The following SRGAP2 variants were observed in gnomAD, a reference collection of about 807,000 sequenced individuals.
SRGAP2 encodes the protein SLIT-ROBO Rho GTPase-activating protein 2.
Under a neutral mutation model 57.2 loss-of-function variants are expected in SRGAP2, and 15 were observed. That is an observed-to-expected ratio of 0.26 (90% CI 0.18 to 0.40). The LOEUF (loss-of-function observed/expected upper bound fraction) is 0.40. Ranked by LOEUF, SRGAP2 falls within the 10% of genes least tolerant of loss-of-function variation. The pLI, the probability that SRGAP2 is intolerant of heterozygous loss-of-function variation, is 1.00. For missense variants in SRGAP2, 520 were observed against 669.6 expected, an observed-to-expected ratio of 0.78 and a Z score of 2.47; for synonymous variants, 249 against 248.0, an observed-to-expected ratio of 1.00 and a Z score of -0.04.
chr1:206,378,619 A>G (rs1321730268), intron 4 of SRGAP2, among the ~76,000 whole-genome samples: 14 of 152,222 alleles, frequency 9.2e-5, no homozygotes, highest in African/African-American at 3.1e-4. Flanking sequence ...GTCTAGCTAG[A>G]GGATTGTAAA....
Position 206,453,309 on chromosome 1 carries a change from C to T in SRGAP2, c.2289C>T (p.Asp763=), listed in dbSNP as rs782083195. 1.8e-5 allele frequency: 14 copies of T among 760,098 alleles called. No homozygotes were observed. The highest frequency in any genetic ancestry group is 5.2e-5 in the African/African-American group (3 of 57,530). The allele number at this position is 760,098 out of a possible 1,614,324, so 47.1% of individuals were successfully genotyped here. ...TGCTGCTTTACCAGCGGGCTTCCGA[C>T]GACTGGTGGGAAGGCCGGCACAATG... is the stretch of plus-strand genomic sequence containing the variant. The part of the protein sequence containing the change: ...ASLLLYQRAS[D]DWWEGRHNGI... Residue 763 remains aspartate, a synonymous_variant, in exon 20 of 23, where the codon GAC becomes GAT. Transcript: ENST00000573034.
chr1:206,410,543 C>G (rs1553359142), intron 10 of SRGAP2, among the ~76,000 whole-genome samples: 1 of 152,134 alleles, frequency 6.6e-6, no homozygotes, highest in Non-Finnish European at 1.5e-5. Flanking sequence ...CAGAGATACT[C>G]TATGCATGGA....
At chr1:206,355,042 A>G (rs1376246449) in intron 4 of SRGAP2, among the ~76,000 whole-genome samples, 5 of 152,200 alleles carry the variant, frequency 3.3e-5, no homozygotes, top group Non-Finnish European at 7.3e-5. Flanking sequence ...TTACATTTCA[A>G]TAAACTTTTG....
chr1:206,385,192 T>G (rs1210383269), intron 5 of SRGAP2, among the ~76,000 whole-genome samples: 1 of 112,400 alleles, frequency 8.9e-6, no homozygotes, highest in Non-Finnish European at 1.7e-5. Context: ...GAATTTCTAC[T>G]CTGTGACACT....
intron 4 of SRGAP2, among the ~76,000 whole-genome samples, chr1:206,370,252 C>T (rs1426549316): frequency 2.0e-5 from 3 of 151,444 alleles, no homozygotes; most frequent in South Asian, 2.1e-4. Flanking sequence ...GGCGACAGAG[C>T]GAGACTCCAT....
chr1:206,306,156 G>A (rs1447511633), intron 3 of SRGAP2, among the ~76,000 whole-genome samples: 12 of 152,136 alleles, frequency 7.9e-5, no homozygotes, highest in South Asian at 2.1e-4. Context: ...TCTTGTGTCC[G>A]GAATTGGTGG....
At chr1:206,449,268 G>A (rs568149660) in intron 18 of SRGAP2, among the ~76,000 whole-genome samples, 4 of 148,366 alleles carry the variant, frequency 2.7e-5, no homozygotes, top group Non-Finnish European at 6.0e-5. Context: ...ATCATTTCTC[G>A]ATTCCTTACA....
rs1215365407 is a variant in SRGAP2 at position 206,224,869 on chromosome 1, CTT to C, written c.67+18833_67+18834del. Among the ~76,000 whole-genome samples the C allele has an allele frequency of 9.5e-5, 8 of 83,856 alleles. No individual in the cohort carries two copies. In the East Asian group the frequency reaches 2.5e-3, roughly 26 times the overall value. 55.0% of individuals were successfully genotyped at this position (83,856 alleles called of 152,430 possible). On this transcript the variant is annotated intron_variant, in intron 2 of 22. Transcript: ENST00000573034. ...TGTGTGCTGAGTGAGGGAGTAGACT[CTT>C]GGGCTGGAGCAGAGGAGTTATAGAC...
chr1:206,374,126 G>A (rs1413037832), intron 4 of SRGAP2, among the ~76,000 whole-genome samples: 2 of 147,254 alleles, frequency 1.4e-5, no homozygotes, highest in Non-Finnish European at 3.0e-5. Context: ...CCGGGTTCAC[G>A]CCATTCTCCT....
At chr1:206,259,767 T>TTTATTAAATA (rs1553313174) in intron 2 of SRGAP2, among the ~76,000 whole-genome samples, 2 of 148,916 alleles carry the variant, frequency 1.3e-5, no homozygotes, top group East Asian at 1.9e-4. Flanking sequence ...TATTAATAAA[T>TTTATTAAATA]TTATTAAATA....
chr1:206,362,865 T>C (rs1284023268), intron 4 of SRGAP2, among the ~76,000 whole-genome samples: 2 of 152,176 alleles, frequency 1.3e-5, no homozygotes, highest in Non-Finnish European at 2.9e-5. Flanking sequence ...TTTCTGACTT[T>C]CTGGGCCATG....
intron 2 of SRGAP2, among the ~76,000 whole-genome samples, chr1:206,220,679 A>C (rs1172402133): frequency 1.3e-5 from 2 of 152,194 alleles, no homozygotes; most frequent in African/African-American, 4.8e-5. Flanking sequence ...AGTTTAAAGA[A>C]GAGACTTGAT....
chr1:206,444,059 G>A (rs1418628967), intron 17 of SRGAP2, among the ~76,000 whole-genome samples: 2 of 151,962 alleles, frequency 1.3e-5, no homozygotes, highest in Non-Finnish European at 2.9e-5. Flanking sequence ...GCGTGGTGGT[G>A]CACGCCTGTG....
chr1:206,250,250 G>A (rs1181071088), intron 2 of SRGAP2, among the ~76,000 whole-genome samples: 3 of 152,020 alleles, frequency 2.0e-5, no homozygotes, highest in Non-Finnish European at 4.4e-5. Flanking sequence ...GAGAATAACA[G>A]AGCCTAGAGA....
At chr1:206,259,292 C>T (rs1669396131) in intron 2 of SRGAP2, among the ~76,000 whole-genome samples, 1 of 148,854 alleles carries the variant, frequency 6.7e-6, no homozygotes, top group Admixed American at 6.7e-5. Context: ...AAGGTTGGAA[C>T]ATTTGTGGCC....
intron 3 of SRGAP2, among the ~76,000 whole-genome samples, chr1:206,313,302 G>A (rs1298584018): frequency 7.6e-6 from 1 of 131,132 alleles, no homozygotes. Context: ...AATCTAGTCA[G>A]GGAGAAATTA....
chr1:206,372,969 CTTTCTTTCTTTCTTTCTTT>C lies in SRGAP2; in HGVS notation c.424-11044_424-11026del, dbSNP rs1654769151. Among the ~76,000 whole-genome samples, 24 of 11,596 alleles carry C rather than the reference CTTTCTTTCTTTCTTTCTTT, an allele frequency of 2.1e-3. 2 individuals are homozygous for C. The highest frequency in any genetic ancestry group is 8.5e-3 in the African/African-American group (22 of 2,586). 7.6% of individuals were successfully genotyped at this position (11,596 alleles called of 152,430 possible). ...TTTCTTTCTTTCTTTTCTTTCCTTT[CTTTCTTTCTTTCTTTCTTT>C]CTTTCTTTCTTTCTTTCTTTCTTTC... is the stretch of plus-strand genomic sequence containing the variant. On this transcript the variant is annotated intron_variant, in intron 4 of 22. Coordinates refer to ENST00000573034, the MANE Select transcript of SRGAP2 (RefSeq NM_015326.5).
chr1:206,435,765 A>G (rs1327476167), intron 14 of SRGAP2, among the ~76,000 whole-genome samples: 1 of 152,204 alleles, frequency 6.6e-6, no homozygotes, highest in Non-Finnish European at 1.5e-5. Context: ...ATTGTTGCCA[A>G]CCTTTACCTT....
At chr1:206,452,910 T>A (rs11322684) in intron 19 of SRGAP2, among the ~76,000 whole-genome samples, 30,565 of 129,504 alleles carry the variant, frequency 0.24, 4,408 homozygotes, top group East Asian at 0.65. Flanking sequence ...AAAAAAAAAA[T>A]GGGATGCTTG....
Sources: gnomAD v4.1 joint callset for allele counts (sites outside exome capture counted in the v4.1 genomes callset) on GRCh38, gnomAD v4.1.1 for gene constraint, MANE v1.5 for transcripts, NCBI Gene and HGNC (gene_info 2026-07-23, HGNC 2026-07-21) for gene names.